Variants in ROCK2 observed in about 807,000 individuals in gnomAD.
ROCK2 encodes the protein rho-associated protein kinase 2.
ROCK2 carries 61 observed loss-of-function variants against 195.1 expected under a neutral mutation model. The ratio of observed to expected loss-of-function variants is 0.31; its 90% CI spans 0.25 to 0.39. The LOEUF (loss-of-function observed/expected upper bound fraction) is 0.39. ROCK2 is among the 10% of genes least tolerant of loss of function. The pLI is 1.00. For synonymous variants in ROCK2, 504 were observed against 545.5 expected (o/e 0.92, Z 1.06); for missense variants, 1,109 against 1,637.4 (o/e 0.68, Z 5.57).
At chr2:11,226,548 C>T (rs1397073696) in intron 6 of ROCK2, among the ~76,000 whole-genome samples, 13 of 152,060 alleles carry the variant, frequency 8.5e-5, no homozygotes, top group Admixed American at 8.5e-4. Flanking sequence ...GAGATTTTTA[C>T]TTCTCTACTA....
chr2:11,228,931 C>G (rs1033482974), intron 5 of ROCK2, among the ~76,000 whole-genome samples: 1 of 151,762 alleles, frequency 6.6e-6, no homozygotes, highest in African/African-American at 2.4e-5. Context: ...GATGGTATGA[C>G]AGGTTAGATA....
At chr2:11,275,975 T>C (rs541624216) in intron 3 of ROCK2, among the ~76,000 whole-genome samples, 18 of 152,156 alleles carry the variant, frequency 1.2e-4, no homozygotes, top group African/African-American at 4.3e-4. Flanking sequence ...GCTGGGATTA[T>C]AGGCGTGAGC....
intron 3 of ROCK2, among the ~76,000 whole-genome samples, chr2:11,275,605 G>A (rs866406060): frequency 4.6e-5 from 7 of 151,660 alleles, no homozygotes; most frequent in Admixed American, 6.6e-5. Flanking sequence ...CAAATCAATC[G>A]CTGTATTAAA....
intron 1 of ROCK2, chr2:11,308,949 A>G (rs1307756382): frequency 6.2e-7 from 1 of 1,611,176 alleles, no homozygotes; most frequent in East Asian, 2.2e-5. Context: ...TGATCCTGAC[A>G]TGATGAACCT....
At chr2:11,232,756 T>C (rs1308448145) in intron 5 of ROCK2, among the ~76,000 whole-genome samples, 1 of 152,198 alleles carries the variant, frequency 6.6e-6, no homozygotes, top group Non-Finnish European at 1.5e-5. Flanking sequence ...CAATGGAAGA[T>C]GATATCAGCA....
chr2:11,342,364 T>C lies in ROCK2; in HGVS notation c.141+1632A>G, dbSNP rs183976311. Among the ~76,000 whole-genome samples the C allele has an allele frequency of 2.0e-3, 300 of 152,330 alleles. 2 individuals are homozygous for C. Among genetic ancestry groups the C allele is most frequent in the African/African-American group, 7.0e-3 (291 of 41,586 alleles). On this transcript the variant is annotated intron_variant, in intron 1 of 32. Transcript: ENST00000315872. ...TTTCACTTTTAAAAATAGCCTCCAT[T>C]TTAATAATTTGGAAAGCAATAAAAC...
chr2:11,207,625 T>C (rs1664099310), intron 20 of ROCK2, 101 bp downstream of exon 20: 1 of 831,796 alleles, frequency 1.2e-6, no homozygotes, highest in East Asian at 2.7e-5. Flanking sequence ...GAAAACATGG[T>C]CTAGAAAGTA....
intron 1 of ROCK2, among the ~76,000 whole-genome samples, chr2:11,330,880 G>GGAGGGAGGAGGAGGGAGGAAGAT (rs1668720934): frequency 1.2e-5 from 1 of 86,838 alleles, no homozygotes; most frequent in Non-Finnish European, 2.4e-5. Flanking sequence ...GGGAGGAAGA[G>GGAGGGAGGAGGAGGGAGGAAGAT]GAATGAGGAG....
Position 11,187,469 on chromosome 2 carries a change from G to A in ROCK2, c.4164-4029C>T, listed in dbSNP as rs189487671. Among the ~76,000 whole-genome samples the A allele has an allele frequency of 2.0e-5, 3 of 152,272 alleles. No individual in the cohort carries two copies. The East Asian group carries it at 5.8e-4, about 29-fold the overall frequency. ...CTATTCGTGATTCCAGGCATCCACT[G>A]GGGGTCTTGGACTACATATCCCTTG... On this transcript the variant is annotated intron_variant, in intron 32 of 32. Transcript: ENST00000315872.
chr2:11,281,226 A>C (rs1666991680), intron 3 of ROCK2, among the ~76,000 whole-genome samples: 1 of 151,500 alleles, frequency 6.6e-6, no homozygotes, highest in Non-Finnish European at 1.5e-5. Context: ...AAAAAAAAAA[A>C]AAAAACCTCA....
chr2:11,318,645 C>T (rs1270646878), intron 1 of ROCK2, among the ~76,000 whole-genome samples: 4 of 152,090 alleles, frequency 2.6e-5, no homozygotes, highest in Non-Finnish European at 5.9e-5. Context: ...GTTGCCATTC[C>T]TTTTGGTGTT....
chr2:11,211,607 C>CA, intron 18 of ROCK2, 74 bp downstream of exon 18: 2 of 1,386,880 alleles, frequency 1.4e-6, no homozygotes, highest in Non-Finnish European at 1.9e-6. Context: ...AAAAATGTTT[C>CA]AAAACCAAAA....
At chr2:11,324,406 AGAGG>A (rs1668486687) in intron 1 of ROCK2, among the ~76,000 whole-genome samples, 1 of 150,818 alleles carries the variant, frequency 6.6e-6, no homozygotes, top group Non-Finnish European at 1.5e-5. Flanking sequence ...GCGTGGCGAC[AGAGG>A]GAGACTCCGT....
At chr2:11,228,367 T>C (rs1258219124) in intron 5 of ROCK2, among the ~76,000 whole-genome samples, 3 of 152,190 alleles carry the variant, frequency 2.0e-5, no homozygotes, top group Admixed American at 6.5e-5. Flanking sequence ...AAACTTGTTA[T>C]AGAAAAGATC....
At chr2:11,335,108 T>C (rs1217044913) in intron 1 of ROCK2, among the ~76,000 whole-genome samples, 10 of 145,028 alleles carry the variant, frequency 6.9e-5, no homozygotes, top group African/African-American at 2.6e-4. Flanking sequence ...CTTTGACTGA[T>C]ACACACACAC....
chr2:11,188,845 C>T (rs1432296194), intron 32 of ROCK2, among the ~76,000 whole-genome samples: 6 of 151,522 alleles, frequency 4.0e-5, no homozygotes, highest in Non-Finnish European at 5.9e-5. Context: ...AGGATGGTCT[C>T]GATCTCCTGA....
At chr2:11,213,558 C>T (rs1210793823) in intron 17 of ROCK2, among the ~76,000 whole-genome samples, 2 of 63,946 alleles carry the variant, frequency 3.1e-5, no homozygotes, top group Non-Finnish European at 4.6e-5. Context: ...ATATAACCCA[C>T]AGAAGATAAA....
intron 3 of ROCK2, among the ~76,000 whole-genome samples, chr2:11,261,752 G>C (rs13415450): frequency 1.4e-3 from 216 of 152,272 alleles, no homozygotes; most frequent in African/African-American, 4.9e-3. Context: ...AGGAACCCAG[G>C]AGACGGAGGA....
rs1663688316 is a variant in ROCK2, at chr2:11,197,590, G to C, written c.3215C>G (p.Ser1072Cys). 1 of 1,613,608 alleles carries C rather than the reference G, an allele frequency of 6.2e-7. No homozygotes were observed. The highest frequency in any genetic ancestry group is 8.5e-7 in the Non-Finnish European group (1 of 1,179,834). Residue 1072 changes from serine (S) to cysteine (C), a missense_variant, in exon 26 of 33, where the codon TCT (serine) becomes TGT (cysteine). Physicochemically the swap from Ser to Cys is moderately radical, Grantham distance 112. Transcript: ENST00000315872. The surrounding 1 kb of genome is among the most constrained non-coding windows in gnomAD (Gnocchi z 4.9). The part of the protein sequence containing the change: ...ENRKLHMELK[S>C]EREKLTQQMI... ...CTGCTGGGTCAATTTCTCACGTTCA[G>C]ATTTAAGCTCCATATGTAGCTTTCT...
Sources: gnomAD v4.1 joint callset for allele counts (sites outside exome capture counted in the v4.1 genomes callset) on GRCh38, gnomAD v4.1.1 for gene constraint, Gnocchi (gnomAD v3.1) non-coding constraint, MANE v1.5 for transcripts, NCBI Gene and HGNC (gene_info 2026-07-23, HGNC 2026-07-21) for gene names.